CA6: variants seen among roughly 807,000 people sequenced by gnomAD.
The protein encoded by CA6 is carbonic anhydrase 6, also known as carbonate dehydratase VI.
A neutral mutation model predicts 35.9 loss-of-function variants in CA6; 28 were observed. The ratio of observed to expected loss-of-function variants is 0.78; its 90% CI spans 0.58 to 1.07. CA6 has a LOEUF of 1.07. Among genes scored for constraint, CA6 ranks in the 50% least tolerant of loss-of-function variants. CA6 has a pLI of 0.00. For missense variants in CA6, 377 were observed against 382.0 expected (o/e 0.99, Z 0.11); for synonymous variants, 148 against 152.6 (o/e 0.97, Z 0.22).
intron 4 of CA6, among the ~76,000 whole-genome samples, chr1:8,959,792 C>T (rs1569693776): frequency 6.6e-6 from 1 of 151,658 alleles, no homozygotes; most frequent in African/African-American, 2.4e-5. Flanking sequence ...ATTAGCTGGG[C>T]ATGGTGGCAG....
Position 8,947,981 on chromosome 1 carries a change from AT to A in CA6, c.80-1280del, listed in dbSNP as rs1460347354. Among the ~76,000 whole-genome samples the A allele has an allele frequency of 4.0e-5, 6 of 151,752 alleles. No individual in the cohort carries two copies. In the East Asian group the frequency reaches 1.2e-3, roughly 29 times the overall value. The stretch of plus-strand genomic sequence containing the variant: ...TGCCTTAGCCTCTCAAGTAGCTGGG[AT>A]TAACGGCATGTGCCACCATGCCCGG... On this transcript the variant is annotated intron_variant, in intron 1 of 7. Transcript: ENST00000377443.
Position 8,945,875 on chromosome 1 carries a change from A to C in CA6, c.-12A>C. The C allele has an allele frequency of 6.3e-7, 1 of 1,597,474 alleles. No homozygotes were observed. The highest frequency in any genetic ancestry group is 8.6e-7 in the Non-Finnish European group (1 of 1,165,136). On this transcript the variant is annotated 5_prime_UTR_variant, in exon 1 of 8. It removes an upstream start codon present in the reference 5' UTR. Coordinates refer to ENST00000377443, the MANE Select transcript of CA6 (RefSeq NM_001215.4). ...TCGCCGGAATCAGTCTTCATTACAG[A>C]TGTGCAGCACCATGAGGGCCCTGGT...
chr1:8,951,618 T>C (rs769932153), intron 2 of CA6: 9 of 765,062 alleles, frequency 1.2e-5, no homozygotes, highest in East Asian at 7.3e-5. Context: ...GGAAGGCATA[T>C]GGAAGAGAAG....
In CA6 at chr1:8,958,966, G is replaced by A. The variant is rs780536049; in HGVS notation, c.465G>A (p.Ala155=). The A allele has an allele frequency of 8.7e-6, 14 of 1,612,834 alleles. No individual in the cohort carries two copies. Among genetic ancestry groups the A allele is most frequent in the Admixed American group, 3.3e-5 (2 of 59,946 alleles). ...AGAGCTATGATATAGCCCAAGATGCGCCGGATGGTTTGGCTGTACTGGCAG... is the reference window on the plus strand; with the variant it reads ...AGAGCTATGATATAGCCCAAGATGCACCGGATGGTTTGGCTGTACTGGCAG... ...KYKSYDIAQD[A]PDGLAVLAAF... is the part of the protein sequence containing the mutation. The change falls in exon 4 of 8, where the codon GCG becomes GCA. Residue 155 remains alanine (A), a synonymous_variant. Transcript: ENST00000377443.
In CA6 at chr1:8,963,905, C is replaced by T. The variant is rs375387625; in HGVS notation, c.571+1249C>T. 1.1e-4 allele frequency among the ~76,000 whole-genome samples: 17 copies of T among 152,298 alleles called. No homozygotes were observed. The highest frequency in any genetic ancestry group is 4.1e-4 in the South Asian group (2 of 4,826). On this transcript the variant is annotated intron_variant, in intron 5 of 7. Coordinates refer to ENST00000377443, the MANE Select transcript of CA6 (RefSeq NM_001215.4). The surrounding 1 kb of genome is among the most constrained non-coding windows in gnomAD (Gnocchi z 4.1). ...AGTGCCCAGAAATCCTAAAGTATCACGCTGGGCATTTTCTTTCTGACCTCC... is the reference window on the plus strand; with the variant it reads ...AGTGCCCAGAAATCCTAAAGTATCATGCTGGGCATTTTCTTTCTGACCTCC...
chr1:8,955,575 C>T (rs1298860408), intron 2 of CA6, among the ~76,000 whole-genome samples: 2 of 145,304 alleles, frequency 1.4e-5, no homozygotes, highest in African/African-American at 2.6e-5. Context: ...CTCGGGTCCT[C>T]AGCTCCTCGG....
intron 5 of CA6, among the ~76,000 whole-genome samples, chr1:8,964,976 G>T (rs1193862506): frequency 6.6e-6 from 1 of 152,124 alleles, no homozygotes; most frequent in East Asian, 1.9e-4. Flanking sequence ...GGGTGCGGTG[G>T]CTCACACCTG....
chr1:8,970,859 G>T lies in CA6; in HGVS notation c.730-8G>T. ...TTCCCCTCCATAATGCACTCACGTT[G>T]CCCCCAGGTTTGGAAGCTGGAGAAT... On this transcript the variant is annotated splice_polypyrimidine_tract_variant and splice_region_variant and intron_variant, in intron 6 of 7. Coordinates refer to ENST00000377443, the MANE Select transcript of CA6 (RefSeq NM_001215.4). 1 of 1,563,158 alleles carries T rather than the reference G, an allele frequency of 6.4e-7. No individual in the cohort carries two copies.
intron 7 of CA6, among the ~76,000 whole-genome samples, chr1:8,973,820 T>C (rs907395524): frequency 1.4e-5 from 2 of 148,118 alleles, no homozygotes; most frequent in Non-Finnish European, 3.0e-5. Flanking sequence ...TCTCTCTCTC[T>C]TTCTTCCTCT....
Position 8,949,327 on chromosome 1 carries a change from G to C in CA6, c.144G>C (p.Ser48=). 6.2e-7 allele frequency: 1 copy of C among 1,613,292 alleles called. No homozygotes were observed. The highest frequency in any genetic ancestry group is 8.5e-7 in the Non-Finnish European group (1 of 1,179,538). ...HYPACGGQRQ[S]PINLQRTKVR... ...CCGCCTGTGGGGGCCAGAGACAGTCGCCTATCAACCTACAGAGGACGAAGG... is the reference window on the plus strand; with the variant it reads ...CCGCCTGTGGGGGCCAGAGACAGTCCCCTATCAACCTACAGAGGACGAAGG... Residue 48 remains serine (S), a synonymous_variant, in exon 2 of 8, where the codon TCG becomes TCC. Coordinates refer to ENST00000377443, the MANE Select transcript of CA6 (RefSeq NM_001215.4).
intron 4 of CA6, among the ~76,000 whole-genome samples, chr1:8,959,904 C>A (rs1384015466): frequency 8.4e-6 from 1 of 119,290 alleles, no homozygotes; most frequent in Non-Finnish European, 1.6e-5. Flanking sequence ...TGCACTCCAG[C>A]GTGGGCAATA....
At position 8,949,275 on chromosome 1, in the gene CA6, A is replaced by G; in HGVS notation, c.92A>G (p.Asp31Gly). 2.5e-6 allele frequency: 4 copies of G among 1,602,762 alleles called. No individual in the cohort carries two copies. Among genetic ancestry groups the G allele is most frequent in the Non-Finnish European group, 3.4e-6 (4 of 1,175,230 alleles). ...SDWTYSEGALDEAHWPQHYPA... is the reference protein window; with the variant it reads ...SDWTYSEGALGEAHWPQHYPA... ...TTTCCTGTCTTAGAAGGGGCACTGG[A>G]CGAAGCGCACTGGCCACAGCACTAC... Residue 31 changes from aspartate (D) to glycine (G), a missense_variant, in exon 2 of 8, where the codon GAC becomes GGC. By Grantham distance (94) the Asp-to-Gly change is moderately conservative. Transcript: ENST00000377443.
chr1:8,966,692 G>A (rs12126080), intron 5 of CA6, among the ~76,000 whole-genome samples: 11,202 of 152,250 alleles, frequency 0.074, 696 homozygotes, highest in African/African-American at 0.17. Flanking sequence ...AAGCGCAGAA[G>A]TGCTCAGGGA....
At chr1:8,972,765 C>T (rs1640143276) in intron 7 of CA6, among the ~76,000 whole-genome samples, 1 of 152,098 alleles carries the variant, frequency 6.6e-6, no homozygotes, top group Admixed American at 6.6e-5. Context: ...GATTTTCTCC[C>T]CACCTTTCCT....
At chr1:8,973,833 T>G (rs1441974948) in intron 7 of CA6, among the ~76,000 whole-genome samples, 2 of 149,674 alleles carry the variant, frequency 1.3e-5, no homozygotes, top group African/African-American at 2.5e-5. Context: ...CTTCCTCTCT[T>G]TCTTTCTTTT....
intron 6 of CA6, among the ~76,000 whole-genome samples, chr1:8,968,980 T>C (rs1464656129): frequency 6.6e-6 from 1 of 150,582 alleles, no homozygotes; most frequent in African/African-American, 2.4e-5. Flanking sequence ...ATTGCACTAC[T>C]GCACTCCAGC....
chr1:8,956,537 G>T (rs1283363542), intron 2 of CA6, among the ~76,000 whole-genome samples: 2 of 152,234 alleles, frequency 1.3e-5, no homozygotes, highest in East Asian at 3.9e-4. Context: ...GCGGGCACCT[G>T]TAGTTCCAGC....
intron 4 of CA6, among the ~76,000 whole-genome samples, 161 bp downstream of exon 4, chr1:8,959,163 C>T (rs1466683673): frequency 6.6e-6 from 1 of 152,142 alleles, no homozygotes; most frequent in Non-Finnish European, 1.5e-5. Context: ...TCACTGTGCT[C>T]CTTCCGTGCT....
At chr1:8,974,234 A>T in intron 7 of CA6, 1 of 642,610 alleles carries the variant, frequency 1.6e-6, no homozygotes, top group South Asian at 2.2e-5. Flanking sequence ...TGATATGATT[A>T]ACCCACCTGC....
Sources: allele counts gnomAD v4.1 joint callset (sites outside exome capture counted in the v4.1 genomes callset), GRCh38; gene constraint gnomAD v4.1.1; non-coding constraint Gnocchi (gnomAD v3.1); transcripts MANE v1.5; gene names NCBI Gene and HGNC (gene_info 2026-07-23, HGNC 2026-07-21).